The following TNKS variants were observed in gnomAD, a reference collection of about 807,000 sequenced individuals.
TNKS encodes tankyrase, also known as poly [ADP-ribose] polymerase tankyrase-1.
TNKS carries 72 observed loss-of-function variants against 135.8 expected under a neutral mutation model. The ratio of observed to expected loss-of-function variants is 0.53; its 90% CI spans 0.44 to 0.64. The LOEUF (loss-of-function observed/expected upper bound fraction) is 0.64, where lower values mean the gene tolerates loss of function less well. Ranked by LOEUF, TNKS falls within the 30% of genes least tolerant of loss-of-function variation. The probability of loss-of-function intolerance (pLI) is 0.00; values close to 1 mark genes in which losing one functional copy is unlikely to be tolerated. For missense variants in TNKS, 1,769 were observed against 1,674.0 expected, an observed-to-expected ratio of 1.06 and a Z score of -0.99; for synonymous variants, 849 against 649.3, an observed-to-expected ratio of 1.31 and a Z score of -4.68.
chr8:9,556,878 T>C (rs36096407), intron 1 of TNKS: 338 of 565,140 alleles, frequency 6.0e-4, no homozygotes, highest in African/African-American at 5.6e-3. Context: ...TCTCTGCATA[T>C]GGATATATTT....
chr8:9,602,830 A>G (rs188617738), intron 2 of TNKS, among the ~76,000 whole-genome samples: 3 of 152,348 alleles, frequency 2.0e-5, no homozygotes, highest in East Asian at 1.9e-4. Flanking sequence ...CTAAAACAAT[A>G]GTGAGATTTT....
At chr8:9,759,664 T>C (rs1265413189) in intron 20 of TNKS, among the ~76,000 whole-genome samples, 1 of 152,118 alleles carries the variant, frequency 6.6e-6, no homozygotes, top group Non-Finnish European at 1.5e-5. Context: ...ACGTGCACTG[T>C]ATGTATCAAT....
In TNKS at chr8:9,763,182, C is replaced by G. The variant is rs1807241934; in HGVS notation, c.3310C>G (p.Gln1104Glu). ...NPYLTFHCVNQGTILLDLAPE... is the reference protein window; with the variant it reads ...NPYLTFHCVNEGTILLDLAPE... ...TTATTTGACTTTTCACTGTGTTAAT[C>G]AGGGAACGATTTTGCTGGATCTTGC... is the stretch of plus-strand genomic sequence containing the variant. Residue 1104 changes from glutamine (Q) to glutamate (E), a missense_variant, in exon 22 of 27, where the codon CAG (glutamine) becomes GAG (glutamate). Gln to Glu is a conservative substitution (Grantham distance 29, BLOSUM62 2). Transcript: ENST00000310430. 6.2e-7 allele frequency: 1 copy of G among 1,601,226 alleles called. No individual in the cohort carries two copies. Among genetic ancestry groups the G allele is most frequent in the East Asian group, 2.2e-5 (1 of 44,462 alleles).
At chr8:9,648,373 A>G (rs934322336) in intron 3 of TNKS, among the ~76,000 whole-genome samples, 1 of 152,096 alleles carries the variant, frequency 6.6e-6, no homozygotes, top group African/African-American at 2.4e-5. Flanking sequence ...ACATATGCTT[A>G]TTCTATAAAC....
intron 10 of TNKS, 38 bp from the exon 11 acceptor site, chr8:9,710,100 AAGAG>A: frequency 6.2e-7 from 1 of 1,612,984 alleles, no homozygotes; most frequent in Non-Finnish European, 8.5e-7. Context: ...AATGCAATAA[AAGAG>A]AGACAATTAC....
At chr8:9,599,516 C>G (rs188358261) in intron 2 of TNKS, among the ~76,000 whole-genome samples, 1 of 152,164 alleles carries the variant, frequency 6.6e-6, no homozygotes, top group Non-Finnish European at 1.5e-5. Flanking sequence ...TTATCTGATT[C>G]CTGGGACAGA....
intron 3 of TNKS, among the ~76,000 whole-genome samples, chr8:9,660,892 C>T (rs1459229327): frequency 6.6e-6 from 1 of 152,000 alleles, no homozygotes; most frequent in Non-Finnish European, 1.5e-5. Context: ...AGCAAAGTCT[C>T]AGGATACAAA....
At chr8:9,672,308 TC>T (rs1802310219) in intron 3 of TNKS, among the ~76,000 whole-genome samples, 1 of 152,088 alleles carries the variant, frequency 6.6e-6, no homozygotes. Context: ...TTGGAATGTA[TC>T]CCCTGTGAAT....
chr8:9,628,717 C>T (rs1298770620), intron 3 of TNKS, among the ~76,000 whole-genome samples: 1 of 152,160 alleles, frequency 6.6e-6, no homozygotes, highest in Non-Finnish European at 1.5e-5. Context: ...CTCCTACCTT[C>T]CAGTTTATAG....
rs1491568585 is a variant in TNKS, at chr8:9,764,410, G to GTGTT, written c.3373-305_3373-302dup. Among the ~76,000 whole-genome samples the GTGTT allele has an allele frequency of 4.0e-5, 6 of 151,846 alleles. No homozygotes were observed. In the East Asian group the frequency reaches 6.2e-4, roughly 16 times the overall value. ...GGAGTTTTTGTTTGACTTAATCAGA[G>GTGTT]TGTTAGTTCTTCTTCTCAATAAGAT... On this transcript the variant is annotated intron_variant, in intron 22 of 26. Transcript: ENST00000310430.
intron 13 of TNKS, among the ~76,000 whole-genome samples, chr8:9,730,137 G>C (rs1805361243): frequency 6.6e-6 from 1 of 152,064 alleles, no homozygotes; most frequent in South Asian, 2.1e-4. Context: ...ATTACCACCA[G>C]TGATACAGTC....
intron 2 of TNKS, among the ~76,000 whole-genome samples, chr8:9,589,155 A>T (rs1798497083): frequency 6.6e-6 from 1 of 152,184 alleles, no homozygotes; most frequent in South Asian, 2.1e-4. Context: ...AGAAGCCTTG[A>T]AACCTGTATT....
chr8:9,717,102 T>TA (rs60792807), intron 11 of TNKS, among the ~76,000 whole-genome samples: 3,529 of 121,772 alleles, frequency 0.029, 200 homozygotes, highest in South Asian at 0.061. Flanking sequence ...TATATATATA[T>TA]TTTCAGGGAA....
intron 20 of TNKS, among the ~76,000 whole-genome samples, chr8:9,754,731 C>T (rs924806752): frequency 6.6e-6 from 1 of 152,182 alleles, no homozygotes; most frequent in South Asian, 2.1e-4. Flanking sequence ...TTAAAATCCT[C>T]AGTAATATTG....
At chr8:9,719,253 A>T (rs1376376412) in intron 11 of TNKS, among the ~76,000 whole-genome samples, 1 of 152,172 alleles carries the variant, frequency 6.6e-6, no homozygotes, top group East Asian at 1.9e-4. Context: ...GTAATGATAA[A>T]AGACTGGCGA....
chr8:9,677,640 T>C lies in TNKS; in HGVS notation c.995-2311T>C, dbSNP rs369632004. Among the ~76,000 whole-genome samples, 4 of 152,314 alleles carry C rather than the reference T, an allele frequency of 2.6e-5. No homozygotes were observed. The East Asian group carries it at 5.8e-4, about 22-fold the overall frequency. ...AACAAAAGTTTGCTGAAGTACAGTA[T>C]GGAAGTATTTTATGTAATCACAAAA... On this transcript the variant is annotated intron_variant, in intron 3 of 26. Transcript: ENST00000310430.
chr8:9,664,033 C>T (rs898324109), intron 3 of TNKS, among the ~76,000 whole-genome samples: 1 of 152,292 alleles, frequency 6.6e-6, no homozygotes, highest in African/African-American at 2.4e-5. Context: ...CAGCCCCTAT[C>T]TGGAGACTAT....
intron 11 of TNKS, among the ~76,000 whole-genome samples, chr8:9,715,431 G>A (rs1035714480): frequency 6.6e-6 from 1 of 152,020 alleles, no homozygotes; most frequent in Admixed American, 6.6e-5. Flanking sequence ...GCTGGAAGAT[G>A]GTAGCTGTAT....
intron 12 of TNKS, among the ~76,000 whole-genome samples, chr8:9,726,003 A>G (rs1220635555): frequency 6.6e-6 from 1 of 152,232 alleles, no homozygotes; most frequent in Admixed American, 6.5e-5. Context: ...ATAAATGTGA[A>G]TTAAACAAAT....
Sources: allele counts gnomAD v4.1 joint callset (sites outside exome capture counted in the v4.1 genomes callset), GRCh38; gene constraint gnomAD v4.1.1; transcripts MANE v1.5; gene names NCBI Gene and HGNC (gene_info 2026-07-23, HGNC 2026-07-21).